The following SLC35F3 variants were observed in gnomAD, a reference collection of about 807,000 sequenced individuals.
The protein encoded by SLC35F3 is solute carrier family 35 member F3.
A neutral mutation model predicts 49.9 loss-of-function variants in SLC35F3; 25 were observed. That is an observed-to-expected ratio of 0.50 (90% CI 0.37 to 0.70). The LOEUF (loss-of-function observed/expected upper bound fraction) is 0.70. SLC35F3 is among the 30% of genes least tolerant of loss of function. The pLI is 0.00. For synonymous variants in SLC35F3, 275 were observed against 265.4 expected, an observed-to-expected ratio of 1.04 and a Z score of -0.35; for missense variants, 525 against 639.8, an observed-to-expected ratio of 0.82 and a Z score of 1.94.
rs998983688 is a variant in SLC35F3, at chr1:234,225,152, C to T, written c.284-6265C>T. On this transcript the variant is annotated intron_variant, in intron 2 of 7. Coordinates refer to ENST00000366618, the MANE Select transcript of SLC35F3 (RefSeq NM_173508.4). ...CGTTTGGGGCATGTAGTTGGCCTTA[C>T]GCGTGTGAAAGCCTTTTCTGCAAGT... Among the ~76,000 whole-genome samples the T allele has an allele frequency of 2.6e-5, 4 of 152,188 alleles. No individual in the cohort carries two copies. The South Asian group carries it at 6.2e-4, about 24-fold the overall frequency.
At chr1:234,116,505 TTTTATTTA>T (rs200809963) in intron 2 of SLC35F3, among the ~76,000 whole-genome samples, 1 of 141,788 alleles carries the variant, frequency 7.1e-6, no homozygotes, top group Non-Finnish European at 1.5e-5. Context: ...TTATTTTTGT[TTTTATTTA>T]TTTATTTATT....
At chr1:233,972,936 C>T (rs1310049784) in intron 2 of SLC35F3, among the ~76,000 whole-genome samples, 1 of 152,232 alleles carries the variant, frequency 6.6e-6, no homozygotes, top group Non-Finnish European at 1.5e-5. Context: ...GCCACCTGAG[C>T]CCACTGTGCC....
chr1:234,229,998 C>T (rs1390524034), intron 2 of SLC35F3, among the ~76,000 whole-genome samples: 1 of 152,192 alleles, frequency 6.6e-6, no homozygotes, highest in African/African-American at 2.4e-5. Flanking sequence ...TTGTCAGAAG[C>T]TCAGAGGGTG....
chr1:233,988,329 G>A (rs1244067373), intron 2 of SLC35F3, among the ~76,000 whole-genome samples: 1 of 152,202 alleles, frequency 6.6e-6, no homozygotes, highest in Non-Finnish European at 1.5e-5. Flanking sequence ...TGGGGACAGA[G>A]GCTCACCACT....
At chr1:234,162,208 G>C (rs1666238128) in intron 2 of SLC35F3, among the ~76,000 whole-genome samples, 1 of 151,700 alleles carries the variant, frequency 6.6e-6, no homozygotes, top group Admixed American at 6.6e-5. Flanking sequence ...ACTTGCCACT[G>C]GTCAGTAGCA....
At chr1:233,945,509 G>C (rs185072972) in intron 2 of SLC35F3, among the ~76,000 whole-genome samples, 11 of 152,280 alleles carry the variant, frequency 7.2e-5, no homozygotes, top group African/African-American at 2.6e-4. Flanking sequence ...TTTCTTCATG[G>C]TATCCACAGC....
At position 234,205,575 on chromosome 1, in the gene SLC35F3, C is replaced by T. The variant is rs9970487; in HGVS notation, c.284-25842C>T. Among the ~76,000 whole-genome samples the T allele has an allele frequency of 6.9e-3, 1,058 of 152,304 alleles. 12 individuals carry two copies. Among genetic ancestry groups the T allele is most frequent in the African/African-American group, 0.024 (1,003 of 41,560 alleles). ...GGACTCCACTAGGGCTCTGACCTTT[C>T]TCTGAAGCCAGTCTGAGGGGCAGAA... On this transcript the variant is annotated intron_variant, in intron 2 of 7. Transcript: ENST00000366618.
In SLC35F3 at chr1:234,214,527, C is replaced by T. The variant is rs1667091509; in HGVS notation, c.284-16890C>T. 6.4e-7 allele frequency: 1 copy of T among 1,555,688 alleles called. No homozygotes were observed. The highest frequency in any genetic ancestry group is 8.7e-7 in the Non-Finnish European group (1 of 1,153,328). Reference sequence around the variant, plus strand: ...AAGAAGCACTCGGCCCGGGTGGCCCCGCTCAGCGCCTGCAACAGTCCGGTC... The same window carrying T: ...AAGAAGCACTCGGCCCGGGTGGCCCTGCTCAGCGCCTGCAACAGTCCGGTC... On this transcript the variant is annotated intron_variant, in intron 2 of 7. Transcript: ENST00000366618. The surrounding 1 kb of genome is among the most constrained non-coding windows in gnomAD (Gnocchi z 8.0).
At chr1:234,299,238 C>A (rs1281929596) in intron 3 of SLC35F3, among the ~76,000 whole-genome samples, 1 of 152,116 alleles carries the variant, frequency 6.6e-6, no homozygotes, top group African/African-American at 2.4e-5. Context: ...AAAAAGCGTC[C>A]ACCAAGGCAA....
At chr1:233,978,783 A>G (rs1306192114) in intron 2 of SLC35F3, among the ~76,000 whole-genome samples, 1 of 152,156 alleles carries the variant, frequency 6.6e-6, no homozygotes, top group Non-Finnish European at 1.5e-5. Flanking sequence ...TAATCCCAGC[A>G]CTTTGGGAGG....
At chr1:234,115,312 C>T (rs989443906) in intron 2 of SLC35F3, among the ~76,000 whole-genome samples, 18 of 152,202 alleles carry the variant, frequency 1.2e-4, no homozygotes, top group Non-Finnish European at 2.1e-4. Context: ...TCTGCCTATG[C>T]GTGGACTTGT....
intron 2 of SLC35F3, among the ~76,000 whole-genome samples, chr1:234,051,809 G>A (rs56128580): frequency 0.019 from 2,859 of 152,190 alleles, 97 homozygotes; most frequent in African/African-American, 0.066. Context: ...TTTGAGATAC[G>A]TCCCATCAAT....
intron 2 of SLC35F3, among the ~76,000 whole-genome samples, chr1:234,072,431 C>A (rs1328623109): frequency 6.6e-6 from 1 of 152,178 alleles, no homozygotes; most frequent in Non-Finnish European, 1.5e-5. Context: ...GTGAACAAAA[C>A]AAAACCCTGG....
At chr1:234,056,941 T>C (rs1012138721) in intron 2 of SLC35F3, among the ~76,000 whole-genome samples, 27 of 152,332 alleles carry the variant, frequency 1.8e-4, no homozygotes, top group African/African-American at 6.5e-4. Flanking sequence ...TGTATGGTAT[T>C]GGCAACTTGT....
chr1:233,973,091 C>A (rs1663021469), intron 2 of SLC35F3, among the ~76,000 whole-genome samples: 1 of 152,238 alleles, frequency 6.6e-6, no homozygotes, highest in Non-Finnish European at 1.5e-5. Flanking sequence ...CCCCTTGGGT[C>A]ACGATAAAAT....
At chr1:234,090,800 A>C (rs113684107) in intron 2 of SLC35F3, among the ~76,000 whole-genome samples, 1 of 152,194 alleles carries the variant, frequency 6.6e-6, no homozygotes, top group African/African-American at 2.4e-5. Flanking sequence ...AAAAACAACT[A>C]TAAGCACCTG....
intron 2 of SLC35F3, among the ~76,000 whole-genome samples, chr1:234,135,451 C>T (rs1231767855): frequency 1.3e-5 from 2 of 152,218 alleles, no homozygotes; most frequent in Non-Finnish European, 2.9e-5. Flanking sequence ...TGGGCACCTG[C>T]ATTCAGGGTC....
At chr1:233,908,214 T>TAA (rs1553284939) in intron 2 of SLC35F3, among the ~76,000 whole-genome samples, 4 of 151,934 alleles carry the variant, frequency 2.6e-5, no homozygotes, top group East Asian at 3.9e-4. Flanking sequence ...AAAAAAATTC[T>TAA]CATGATCTCC....
chr1:234,146,505 T>TTTTTTTC (rs1553309510), intron 2 of SLC35F3, among the ~76,000 whole-genome samples: 1 of 138,030 alleles, frequency 7.2e-6, no homozygotes, highest in African/African-American at 3.0e-5. Context: ...TTTTTTTTTT[T>TTTTTTTC]CTGGAGACGG....
Sources: allele counts gnomAD v4.1 joint callset (sites outside exome capture counted in the v4.1 genomes callset), GRCh38; gene constraint gnomAD v4.1.1; non-coding constraint Gnocchi (gnomAD v3.1); transcripts MANE v1.5; gene names NCBI Gene and HGNC (gene_info 2026-07-23, HGNC 2026-07-21).